Variants in RBFOX1 observed in about 807,000 individuals in gnomAD.
RBFOX1 encodes the protein RNA binding protein fox-1 homolog 1.
In RBFOX1, 8 loss-of-function variants were observed where a neutral mutation model predicts 57.7. The observed-to-expected ratio is 0.14, with a 90% CI of 0.08 to 0.25. The LOEUF is 0.25. RBFOX1 is among the 10% of genes least tolerant of loss of function. RBFOX1 has a pLI of 1.00. For synonymous variants in RBFOX1, 326 were observed against 222.4 expected (o/e 1.47, Z -4.15); for missense variants, 611 against 548.5 (o/e 1.11, Z -1.14).
chr16:6,085,303 G>C (rs770771016), intron 1 of RBFOX1, among the ~76,000 whole-genome samples: 1 of 152,102 alleles, frequency 6.6e-6, no homozygotes, highest in Non-Finnish European at 1.5e-5. Context: ...ACGCGGTTTC[G>C]CTCTTGTTGC....
At chr16:6,275,311 A>ATT in intron 1 of RBFOX1, among the ~76,000 whole-genome samples, 2 of 940 alleles carry the variant, frequency 2.1e-3, no homozygotes, top group Non-Finnish European at 0.016. Context: ...ACTCCATCTC[A>ATT]AAAAAAAAAA....
At chr16:7,644,655 C>T (rs1201790549) in intron 11 of RBFOX1, among the ~76,000 whole-genome samples, 2 of 152,160 alleles carry the variant, frequency 1.3e-5, no homozygotes, top group Admixed American at 6.5e-5. Context: ...ACCTTGTGCT[C>T]GGTCATCTTC....
rs556624467 is a variant in RBFOX1, at chr16:6,994,841, G to C, written c.-15-57216G>C. On this transcript the variant is annotated intron_variant, in intron 3 of 15. Transcript: ENST00000550418. ...CAGAGACTGATAAAAATTCACTTTT[G>C]ATGGTAGACACAAGGTGAGATGTTA... 4.6e-5 allele frequency among the ~76,000 whole-genome samples: 7 copies of C among 152,202 alleles called. 1 individual carries two copies. In the East Asian group the frequency reaches 7.7e-4, roughly 17 times the overall value.
At chr16:6,386,037 A>G (rs1045434174) in intron 2 of RBFOX1, among the ~76,000 whole-genome samples, 10 of 149,864 alleles carry the variant, frequency 6.7e-5, no homozygotes, top group East Asian at 2.0e-4. Context: ...CCGGGTTCAC[A>G]CCATTCTCCT....
At chr16:6,292,590 T>C (rs1037929084) in intron 1 of RBFOX1, among the ~76,000 whole-genome samples, 3 of 145,314 alleles carry the variant, frequency 2.1e-5, no homozygotes, top group South Asian at 2.1e-4. Flanking sequence ...AACAACAAAA[T>C]GGTTGAGGGG....
rs149291877 is a variant in RBFOX1 at position 5,848,898 on chromosome 16, G to A, written c.319-18405G>A. Among the ~76,000 whole-genome samples, 195 of 152,094 alleles carry A rather than the reference G, an allele frequency of 1.3e-3. 3 individuals are homozygous for A. The East Asian group carries it at 0.035, about 27-fold the overall frequency. ...TGGGAGGCAGAGGTTGCAGTGAGCC[G>A]AGATCATGCCACTGCACTTCAGCCT... On this transcript the variant is annotated intron_variant, in intron 3 of 19. Coordinates refer to the RBFOX1 transcript ENST00000641259.
At chr16:7,139,206 G>A (rs1227938342) in intron 4 of RBFOX1, among the ~76,000 whole-genome samples, 4 of 148,590 alleles carry the variant, frequency 2.7e-5, no homozygotes, top group African/African-American at 9.9e-5. Context: ...GTATGTGTGT[G>A]TGTTTGTGTG....
At chr16:6,082,529 G>A (rs2096019342) in intron 1 of RBFOX1, among the ~76,000 whole-genome samples, 1 of 151,698 alleles carries the variant, frequency 6.6e-6, no homozygotes, top group Non-Finnish European at 1.5e-5. Flanking sequence ...GGACAGCAAA[G>A]ATGCTTGTCT....
At chr16:6,620,405 A>C (rs1011581662) in intron 2 of RBFOX1, among the ~76,000 whole-genome samples, 1 of 152,340 alleles carries the variant, frequency 6.6e-6, no homozygotes, top group Middle Eastern at 3.4e-3. Flanking sequence ...GAAAGATCTC[A>C]AGGTAACAAG....
In RBFOX1 at chr16:6,588,061, T is replaced by C. The variant is rs552080451; in HGVS notation, c.-63-66542T>C. 4.7e-5 allele frequency among the ~76,000 whole-genome samples: 7 copies of C among 149,502 alleles called. 1 individual carries two copies. The South Asian group carries it at 1.1e-3, about 23-fold the overall frequency. ...CCTGGCCAACATGGTGAAACCGCTG[T>C]CTCTACTAAAAATACAAAAATTAGC... On this transcript the variant is annotated intron_variant, in intron 2 of 15. Coordinates refer to ENST00000550418, the MANE Select transcript of RBFOX1 (RefSeq NM_018723.4).
At chr16:5,762,451 C>T (rs1240256251) in intron 3 of RBFOX1, among the ~76,000 whole-genome samples, 4 of 151,552 alleles carry the variant, frequency 2.6e-5, no homozygotes, top group Non-Finnish European at 5.9e-5. Context: ...AGAAATACAA[C>T]GTGGAACAAC....
chr16:5,926,101 A>T (rs901816448), intron 4 of RBFOX1, among the ~76,000 whole-genome samples: 3 of 152,210 alleles, frequency 2.0e-5, no homozygotes, highest in African/African-American at 7.2e-5. Flanking sequence ...TTATGTAAAT[A>T]TCAGGCCATT....
intron 3 of RBFOX1, among the ~76,000 whole-genome samples, chr16:7,029,471 T>A (rs374526030): frequency 1.3e-5 from 2 of 151,140 alleles, no homozygotes; most frequent in East Asian, 3.9e-4. Flanking sequence ...TGGAATAGAG[T>A]TTGGTTTAGG....
intron 4 of RBFOX1, among the ~76,000 whole-genome samples, chr16:7,161,151 C>T (rs1281330929): frequency 6.6e-6 from 1 of 152,102 alleles, no homozygotes; most frequent in Admixed American, 6.6e-5. Context: ...TTTTATACCA[C>T]TTTCTATCTC....
intron 2 of RBFOX1, among the ~76,000 whole-genome samples, chr16:6,392,804 G>A (rs74007327): frequency 0.011 from 1,743 of 152,190 alleles, 42 homozygotes; most frequent in African/African-American, 0.039. Flanking sequence ...CAAGAAAATT[G>A]GATAATAAAT....
At chr16:6,726,204 T>C (rs2067130417) in intron 3 of RBFOX1, among the ~76,000 whole-genome samples, 1 of 152,130 alleles carries the variant, frequency 6.6e-6, no homozygotes, top group Non-Finnish European at 1.5e-5. Context: ...CTCACCCGTT[T>C]GCTCTAGAAT....
At chr16:5,553,504 A>C (rs969401398) in intron 2 of RBFOX1, among the ~76,000 whole-genome samples, 1 of 151,880 alleles carries the variant, frequency 6.6e-6, no homozygotes, top group Non-Finnish European at 1.5e-5. Context: ...TTTAGTAGAG[A>C]CAGGGTTTCA....
intron 4 of RBFOX1, among the ~76,000 whole-genome samples, chr16:5,910,498 G>C (rs897644684): frequency 6.6e-6 from 1 of 152,214 alleles, no homozygotes; most frequent in African/African-American, 2.4e-5. Context: ...GCTACTATAA[G>C]AATCTCTTCT....
At position 6,737,181 on chromosome 16, in the gene RBFOX1, G is replaced by A. The variant is rs577998577; in HGVS notation, c.-16+82531G>A. ...GTAAAGAATATTGGCAAGAATGGTA[G>A]ATATTTGGCTATAGGTCAAGCAAAA... is the stretch of plus-strand genomic sequence containing the variant. On this transcript the variant is annotated intron_variant, in intron 3 of 15. Transcript: ENST00000550418. Among the ~76,000 whole-genome samples the A allele has an allele frequency of 2.6e-5, 4 of 152,290 alleles. No homozygotes were observed. The East Asian group carries it at 7.7e-4, about 29-fold the overall frequency.
Sources: gnomAD v4.1 joint callset for allele counts (sites outside exome capture counted in the v4.1 genomes callset) on GRCh38, gnomAD v4.1.1 for gene constraint, MANE v1.5 for transcripts, NCBI Gene and HGNC (gene_info 2026-07-23, HGNC 2026-07-21) for gene names.